The following HIBCH variants were observed in gnomAD, a reference collection of about 807,000 sequenced individuals.
The protein encoded by HIBCH is 3-hydroxyisobutyryl-CoA hydrolase, mitochondrial.
In HIBCH, 50 loss-of-function variants were observed where a neutral mutation model predicts 58.2. The observed-to-expected ratio is 0.86, with a 90% CI of 0.68 to 1.09. HIBCH has a LOEUF of 1.09. Ranked by LOEUF, HIBCH falls within the 50% of genes least tolerant of loss-of-function variation. HIBCH has a pLI of 0.00. For missense variants in HIBCH, 450 were observed against 449.7 expected (o/e 1.00, Z -0.01); for synonymous variants, 151 against 146.9 (o/e 1.03, Z -0.20).
At chr2:190,222,818 A>C (rs1051575303) in intron 11 of HIBCH, among the ~76,000 whole-genome samples, 1 of 152,256 alleles carries the variant, frequency 6.6e-6, no homozygotes, top group Non-Finnish European at 1.5e-5. Context: ...AGACACATGC[A>C]CACGTATGTT....
chr2:190,231,445 C>T (rs532068956), intron 11 of HIBCH, among the ~76,000 whole-genome samples: 6 of 152,096 alleles, frequency 3.9e-5, no homozygotes, highest in Non-Finnish European at 7.4e-5. Context: ...TCTCAATAGA[C>T]GCAGCAAAAT....
At chr2:190,261,580 T>C (rs1687089317) in intron 6 of HIBCH, among the ~76,000 whole-genome samples, 1 of 151,818 alleles carries the variant, frequency 6.6e-6, no homozygotes, top group Non-Finnish European at 1.5e-5. Flanking sequence ...AACAAATGTG[T>C]CTATTTATCT....
Position 190,211,719 on chromosome 2 carries a change from CA to C in HIBCH, c.1011+1236del, listed in dbSNP as rs879356359. Reference sequence around the variant, plus strand: ...ATGTTTTCCTTTAGAGTACTTATCACAATTTATAATTATTTTACTTATTTTG... The same window carrying C: ...ATGTTTTCCTTTAGAGTACTTATCACATTTATAATTATTTTACTTATTTTG... On this transcript the variant is annotated intron_variant, in intron 12 of 13. Transcript: ENST00000359678. This position sits in a 1 kb window ranked among gnomAD's most constrained non-coding sequence, Gnocchi z 5.0. Among the ~76,000 whole-genome samples the C allele has an allele frequency of 2.0e-4, 31 of 152,262 alleles. No individual in the cohort carries two copies. The highest frequency in any genetic ancestry group is 7.2e-4 in the African/African-American group (30 of 41,554).
chr2:190,257,871 A>G (rs1012008923), intron 7 of HIBCH, among the ~76,000 whole-genome samples: 16 of 152,318 alleles, frequency 1.1e-4, no homozygotes, highest in Middle Eastern at 3.4e-3. Flanking sequence ...CTCACCTCTT[A>G]GTGGTACCAA....
chr2:190,296,764 G>A (rs1688113250), intron 3 of HIBCH, 49 bp downstream of exon 3: 1 of 1,484,884 alleles, frequency 6.7e-7, no homozygotes, highest in Non-Finnish European at 9.4e-7. Context: ...GTCCTATTAT[G>A]ATATACTTTG....
rs934278512 is a variant in HIBCH, at chr2:190,206,140, A to C, written c.1046-908T>G. On this transcript the variant is annotated intron_variant, in intron 13 of 13. Transcript: ENST00000359678. The surrounding 1 kb of genome is among the most constrained non-coding windows in gnomAD (Gnocchi z 5.1). ...TAGCATTTAAAGGCTAAAATAGTTAAAGAAGCAGTATGGGAACCAAGGAAG... is the reference window on the plus strand; with the variant it reads ...TAGCATTTAAAGGCTAAAATAGTTACAGAAGCAGTATGGGAACCAAGGAAG... 1.3e-5 allele frequency among the ~76,000 whole-genome samples: 2 copies of C among 152,230 alleles called. No individual in the cohort carries two copies. The highest frequency in any genetic ancestry group is 6.5e-5 in the Admixed American group (1 of 15,290).
At chr2:190,278,912 T>C (rs924173107) in intron 6 of HIBCH, among the ~76,000 whole-genome samples, 63 of 152,342 alleles carry the variant, frequency 4.1e-4, no homozygotes, top group African/African-American at 1.4e-3. Flanking sequence ...TTTCAGAAGC[T>C]AGAGTTCATA....
chr2:190,225,723 C>T (rs559410900), intron 11 of HIBCH, among the ~76,000 whole-genome samples: 2 of 152,264 alleles, frequency 1.3e-5, no homozygotes, highest in Non-Finnish European at 2.9e-5. Flanking sequence ...CCTTCTGAAA[C>T]GATTCCAATC....
chr2:190,272,574 G>T (rs1227976007), intron 6 of HIBCH, among the ~76,000 whole-genome samples: 1 of 151,930 alleles, frequency 6.6e-6, no homozygotes, highest in East Asian at 1.9e-4. Context: ...ACTTGACCTT[G>T]AACCTAGGGT....
chr2:190,200,122 C>G, downstream of HIBCH: 1 of 1,613,944 alleles, frequency 6.2e-7, no homozygotes, highest in Non-Finnish European at 8.5e-7. Flanking sequence ...CCATGACATT[C>G]CATACATTGA....
intron 6 of HIBCH, among the ~76,000 whole-genome samples, chr2:190,282,668 AGT>A (rs762703106): frequency 3.9e-5 from 6 of 152,176 alleles, no homozygotes; most frequent in Non-Finnish European, 7.4e-5. Flanking sequence ...AGACATGAAA[AGT>A]GTGGCCTTCC....
chr2:190,262,155 G>A (rs1477986731), intron 6 of HIBCH, among the ~76,000 whole-genome samples: 3 of 127,042 alleles, frequency 2.4e-5, no homozygotes, highest in Admixed American at 8.4e-5. Context: ...TTTTATATGC[G>A]GTAGAGACAA....
intron 2 of HIBCH, among the ~76,000 whole-genome samples, chr2:190,302,637 T>A (rs1396180133): frequency 6.6e-6 from 1 of 152,156 alleles, no homozygotes; most frequent in Admixed American, 6.5e-5. Flanking sequence ...GAAGAAAGAC[T>A]AATGGTGGCT....
intron 6 of HIBCH, among the ~76,000 whole-genome samples, chr2:190,266,312 T>C (rs183214759): frequency 1.2e-4 from 19 of 152,366 alleles, no homozygotes; most frequent in African/African-American, 4.3e-4. Flanking sequence ...CATGAAAATA[T>C]ACGTACTCAG....
chr2:190,243,449 G>C lies in HIBCH; in HGVS notation c.891+1438C>G, dbSNP rs138209901. Among the ~76,000 whole-genome samples the C allele has an allele frequency of 7.6e-4, 116 of 152,196 alleles. 1 individual carries two copies. Among genetic ancestry groups the C allele is most frequent in the Middle Eastern group, 3.4e-3 (1 of 294 alleles). On this transcript the variant is annotated intron_variant, in intron 11 of 13. Coordinates refer to ENST00000359678, the MANE Select transcript of HIBCH (RefSeq NM_014362.4). The surrounding 1 kb of genome is among the most constrained non-coding windows in gnomAD (Gnocchi z 4.1). ...ATCTCCTATTAGTTCTTTCCCTCTA[G>C]AGAACCCTGATACACCAACTTAAAG...
At chr2:190,227,490 C>T (rs753152318) in intron 11 of HIBCH, among the ~76,000 whole-genome samples, 1 of 152,090 alleles carries the variant, frequency 6.6e-6, no homozygotes, top group Non-Finnish European at 1.5e-5. Flanking sequence ...TAGGCAATAC[C>T]ATTCAGGCCA....
At chr2:190,245,921 C>T (rs572027583) in intron 10 of HIBCH, among the ~76,000 whole-genome samples, 1 of 146,052 alleles carries the variant, frequency 6.8e-6, no homozygotes, top group African/African-American at 2.6e-5. Flanking sequence ...ACCCAGGAGG[C>T]GGAGGCTGCA....
rs1690421617 is a variant in HIBCH, at chr2:190,207,609, G to A, written c.1045+1271C>T. On this transcript the variant is annotated intron_variant, in intron 13 of 13. Transcript: ENST00000359678. The surrounding 1 kb of genome is among the most constrained non-coding windows in gnomAD (Gnocchi z 4.5). ...AAAAAAGTATATCCAGGCTGGGCAC[G>A]GTGGCTCATGCCTGTAATCACAGCA... Among the ~76,000 whole-genome samples, 1 of 152,166 alleles carries A rather than the reference G, an allele frequency of 6.6e-6. No homozygotes were observed. Among genetic ancestry groups the A allele is most frequent in the African/African-American group, 2.4e-5 (1 of 41,434 alleles).
chr2:190,239,830 A>G (rs1338746783), intron 11 of HIBCH, among the ~76,000 whole-genome samples: 3 of 151,884 alleles, frequency 2.0e-5, no homozygotes, highest in African/African-American at 7.3e-5. Flanking sequence ...TTGTATTTTT[A>G]ATAGAGACAG....
Sources: allele counts gnomAD v4.1 joint callset (sites outside exome capture counted in the v4.1 genomes callset), GRCh38; gene constraint gnomAD v4.1.1; non-coding constraint Gnocchi (gnomAD v3.1); transcripts MANE v1.5; gene names NCBI Gene and HGNC (gene_info 2026-07-23, HGNC 2026-07-21).